NPAS3: variants seen among roughly 807,000 people sequenced by gnomAD.
The protein encoded by NPAS3 is neuronal PAS domain protein 3, also known as neuronal PAS domain-containing protein 3.
Under a neutral mutation model 73.1 loss-of-function variants are expected in NPAS3, and 14 were observed. That is an observed-to-expected ratio of 0.19 (90% CI 0.13 to 0.30). The LOEUF (loss-of-function observed/expected upper bound fraction) is 0.30. Ranked by LOEUF, NPAS3 falls within the 10% of genes least tolerant of loss-of-function variation. The probability of loss-of-function intolerance (pLI) is 1.00; values close to 1 mark genes in which losing one functional copy is unlikely to be tolerated. For missense variants in NPAS3, 1,096 were observed against 1,250.0 expected (o/e 0.88, Z 1.86); for synonymous variants, 620 against 541.5 (o/e 1.14, Z -2.01).
intron 4 of NPAS3, among the ~76,000 whole-genome samples, chr14:33,488,058 T>A (rs1230455230): frequency 1.3e-5 from 2 of 151,850 alleles, no homozygotes; most frequent in Non-Finnish European, 2.9e-5. Flanking sequence ...GCAGAGCAGG[T>A]AAGGGGCTGG....
chr14:33,793,777 C>T (rs1469424697), intron 9 of NPAS3, 120 bp from the exon 10 acceptor site: 6 of 836,686 alleles, frequency 7.2e-6, no homozygotes, highest in Non-Finnish European at 1.1e-5. Context: ...CAGAGGGTCA[C>T]CCTGGCTTGG....
At chr14:33,607,604 C>T (rs1218898861) in intron 5 of NPAS3, among the ~76,000 whole-genome samples, 2 of 152,120 alleles carry the variant, frequency 1.3e-5, no homozygotes, top group East Asian at 1.9e-4. Flanking sequence ...AGAGGCTTCA[C>T]GGGTGCATTA....
intron 4 of NPAS3, among the ~76,000 whole-genome samples, chr14:33,450,104 G>A (rs970708250): frequency 6.6e-6 from 1 of 152,174 alleles, no homozygotes; most frequent in African/African-American, 2.4e-5. Flanking sequence ...TACATGGTGA[G>A]GACAAGTTCT....
chr14:33,198,275 C>T (rs962081071), intron 2 of NPAS3, among the ~76,000 whole-genome samples: 2 of 147,292 alleles, frequency 1.4e-5, no homozygotes, highest in African/African-American at 2.4e-5. Context: ...CCTGCTGGCT[C>T]AGGCAGCCTG....
rs553387220 is a variant in NPAS3 at position 33,271,453 on chromosome 14, G to A, written c.385+56027G>A. On this transcript the variant is annotated intron_variant, in intron 3 of 11. Coordinates refer to ENST00000356141, the Ensembl canonical transcript of NPAS3. Reference sequence around the variant, plus strand: ...CTGATTCCTGTGGCTAGCTGTTGGGGAGAAGGAGAGGCCAGAGACAAGAGA... The same window carrying A: ...CTGATTCCTGTGGCTAGCTGTTGGGAAGAAGGAGAGGCCAGAGACAAGAGA... Among the ~76,000 whole-genome samples the A allele has an allele frequency of 7.9e-5, 12 of 152,208 alleles. No homozygotes were observed. The East Asian group carries it at 2.3e-3, about 29-fold the overall frequency.
chr14:33,003,299 A>G (rs961004734), intron 1 of NPAS3, among the ~76,000 whole-genome samples: 6 of 144,604 alleles, frequency 4.1e-5, no homozygotes, highest in African/African-American at 1.6e-4. Context: ...TCTTGTTGAT[A>G]AAAAAAAAAA....
intron 3 of NPAS3, among the ~76,000 whole-genome samples, chr14:33,277,521 A>T (rs1444108991): frequency 1.3e-5 from 2 of 152,312 alleles, no homozygotes; most frequent in East Asian, 3.9e-4. Flanking sequence ...TGCTATAAAA[A>T]TATAAGGGGC....
intron 2 of NPAS3, among the ~76,000 whole-genome samples, chr14:33,160,497 G>T (rs1255464594): frequency 9.4e-5 from 12 of 127,352 alleles, no homozygotes; most frequent in South Asian, 3.0e-4. Flanking sequence ...GTTGTGGGGT[G>T]GGGGGAGGGG....
chr14:33,640,257 G>T (rs889728375), intron 5 of NPAS3, among the ~76,000 whole-genome samples: 1 of 151,442 alleles, frequency 6.6e-6, no homozygotes, highest in Non-Finnish European at 1.5e-5. Flanking sequence ...CCCTCTTCTT[G>T]CTCCCTAGAG....
intron 4 of NPAS3, among the ~76,000 whole-genome samples, chr14:33,476,557 T>G (rs909495700): frequency 6.6e-6 from 1 of 152,220 alleles, no homozygotes; most frequent in Non-Finnish European, 1.5e-5. Context: ...TACACCCCTC[T>G]ATTGTCAATT....
chr14:33,750,476 T>A (rs1166767197), intron 7 of NPAS3, among the ~76,000 whole-genome samples: 2 of 152,240 alleles, frequency 1.3e-5, no homozygotes. Flanking sequence ...TAATTTTACG[T>A]ATTCTAACTA....
chr14:33,418,420 A>T (rs1219989705), intron 4 of NPAS3, among the ~76,000 whole-genome samples: 1 of 151,974 alleles, frequency 6.6e-6, no homozygotes, highest in African/African-American at 2.4e-5. Flanking sequence ...GTGTATTAAC[A>T]ACCAAGCCAG....
chr14:33,673,098 C>G (rs1318551124), intron 5 of NPAS3, among the ~76,000 whole-genome samples: 5 of 152,216 alleles, frequency 3.3e-5, no homozygotes, highest in Admixed American at 2.6e-4. Flanking sequence ...CAAAGCATCT[C>G]CAGCTCCAGG....
chr14:33,345,793 A>C (rs552370353), intron 3 of NPAS3, among the ~76,000 whole-genome samples: 1 of 152,334 alleles, frequency 6.6e-6, no homozygotes, highest in African/African-American at 2.4e-5. Flanking sequence ...TGTTTTTCGC[A>C]TATCAGCTAA....
chr14:33,007,266 C>T (rs527725257), intron 1 of NPAS3, among the ~76,000 whole-genome samples: 134 of 152,246 alleles, frequency 8.8e-4, no homozygotes, highest in African/African-American at 3.1e-3. Context: ...GCAGGGAAGC[C>T]TAGAAGCACG....
At chr14:33,452,636 A>G (rs1417954583) in intron 4 of NPAS3, among the ~76,000 whole-genome samples, 3 of 152,030 alleles carry the variant, frequency 2.0e-5, no homozygotes, top group Non-Finnish European at 4.4e-5. Flanking sequence ...TTAGCCAGGC[A>G]TGATGGCGGG....
intron 9 of NPAS3, among the ~76,000 whole-genome samples, chr14:33,781,289 A>C (rs1056517990): frequency 6.6e-6 from 1 of 152,236 alleles, no homozygotes; most frequent in Non-Finnish European, 1.5e-5. Context: ...AAAATGCTAA[A>C]ATATACAAAT....
chr14:33,429,573 T>C (rs1210944227), intron 4 of NPAS3, among the ~76,000 whole-genome samples: 1 of 152,178 alleles, frequency 6.6e-6, no homozygotes, highest in Admixed American at 6.5e-5. Flanking sequence ...AAAAGCAATT[T>C]ACAAGGTACT....
At chr14:33,573,049 T>G (rs1403871774) in intron 5 of NPAS3, among the ~76,000 whole-genome samples, 3 of 148,828 alleles carry the variant, frequency 2.0e-5, no homozygotes, top group Non-Finnish European at 3.0e-5. Flanking sequence ...AAAAAGTTAA[T>G]TCTCACAATG....
Sources: allele counts gnomAD v4.1 joint callset (sites outside exome capture counted in the v4.1 genomes callset), GRCh38; gene constraint gnomAD v4.1.1; transcripts MANE v1.5; gene names NCBI Gene and HGNC (gene_info 2026-07-23, HGNC 2026-07-21).